The following TPD52L1 variants were observed in gnomAD, a reference collection of about 807,000 sequenced individuals.
TPD52L1 encodes tumor protein D53.
In TPD52L1, 18 loss-of-function variants were observed where a neutral mutation model predicts 28.7. The ratio of observed to expected loss-of-function variants is 0.63; its 90% CI spans 0.43 to 0.93. TPD52L1 has a LOEUF of 0.93. TPD52L1 is among the 40% of genes least tolerant of loss of function. TPD52L1 has a pLI of 0.00. For missense variants in TPD52L1, 203 were observed against 254.8 expected (o/e 0.80, Z 1.39); for synonymous variants, 75 against 88.8 (o/e 0.84, Z 0.88).
At chr6:125,217,500 T>C (rs1185738684) in intron 1 of TPD52L1, among the ~76,000 whole-genome samples, 1 of 152,042 alleles carries the variant, frequency 6.6e-6, no homozygotes, top group Admixed American at 6.6e-5. Flanking sequence ...TGCGGTCCTA[T>C]GAGAATCTAA....
intron 1 of TPD52L1, chr6:125,209,054 C>A: frequency 1.5e-6 from 1 of 684,984 alleles, no homozygotes; most frequent in Non-Finnish European, 1.8e-6. Flanking sequence ...ATTTCCCATA[C>A]ACAGCCTTGA....
intron 1 of TPD52L1, among the ~76,000 whole-genome samples, chr6:125,164,665 G>C (rs572096708): frequency 6.6e-6 from 1 of 151,800 alleles, no homozygotes; most frequent in Non-Finnish European, 1.5e-5. Flanking sequence ...TTGTTTACAC[G>C]AATATGTTTT....
At chr6:125,225,319 T>C (rs764152500) in intron 2 of TPD52L1, among the ~76,000 whole-genome samples, 2 of 152,220 alleles carry the variant, frequency 1.3e-5, no homozygotes, top group African/African-American at 2.4e-5. Context: ...TGTGTGTCCA[T>C]GTATTTGTTT....
chr6:125,212,837 G>T (rs1375090382), intron 1 of TPD52L1, among the ~76,000 whole-genome samples: 2 of 152,202 alleles, frequency 1.3e-5, no homozygotes, highest in African/African-American at 4.8e-5. Flanking sequence ...CTTAAATGGA[G>T]TCATCACTGG....
At chr6:125,255,563 C>A (rs950965723) in intron 5 of TPD52L1, among the ~76,000 whole-genome samples, 1 of 152,124 alleles carries the variant, frequency 6.6e-6, no homozygotes, top group African/African-American at 2.4e-5. Flanking sequence ...CATTTCTGAC[C>A]ATGTGGAGCA....
chr6:125,222,914 C>A (rs1023232595), intron 2 of TPD52L1, among the ~76,000 whole-genome samples: 3 of 152,134 alleles, frequency 2.0e-5, no homozygotes, highest in African/African-American at 7.2e-5. Context: ...CAAACTGTAA[C>A]TAATCAAATT....
At chr6:125,221,100 C>A (rs1795202279) in intron 2 of TPD52L1, among the ~76,000 whole-genome samples, 1 of 152,206 alleles carries the variant, frequency 6.6e-6, no homozygotes, top group South Asian at 2.1e-4. Flanking sequence ...TGAGTTCTAG[C>A]CTCCTGATAG....
At chr6:125,237,249 G>C (rs769662449) in intron 3 of TPD52L1, among the ~76,000 whole-genome samples, 1 of 152,158 alleles carries the variant, frequency 6.6e-6, no homozygotes, top group Non-Finnish European at 1.5e-5. Context: ...GGTCCCTCTG[G>C]CTGCGGTGTT....
At chr6:125,172,824 T>C in intron 1 of TPD52L1, among the ~76,000 whole-genome samples, 1 of 151,398 alleles carries the variant, frequency 6.6e-6, no homozygotes. Context: ...ATAAATAAAG[T>C]AAGCTATAAT....
intron 1 of TPD52L1, among the ~76,000 whole-genome samples, chr6:125,166,551 C>G (rs1261533657): frequency 6.6e-6 from 1 of 152,060 alleles, no homozygotes; most frequent in Non-Finnish European, 1.5e-5. Context: ...TTTTTCTACC[C>G]TCTTAGGTGA....
chr6:125,208,568 C>G (rs1433042992), intron 1 of TPD52L1, among the ~76,000 whole-genome samples: 1 of 151,932 alleles, frequency 6.6e-6, no homozygotes, highest in Non-Finnish European at 1.5e-5. Context: ...AGTCAGGTGG[C>G]TGATCCTGGG....
chr6:125,161,205 C>T (rs1790505288), intron 1 of TPD52L1, among the ~76,000 whole-genome samples: 1 of 152,174 alleles, frequency 6.6e-6, no homozygotes, highest in African/African-American at 2.4e-5. Flanking sequence ...TAGCTTCCAA[C>T]TTTTGTTGCA....
intron 1 of TPD52L1, among the ~76,000 whole-genome samples, chr6:125,174,626 A>G (rs1452910815): frequency 1.3e-5 from 2 of 152,232 alleles, no homozygotes; most frequent in Non-Finnish European, 2.9e-5. Context: ...CATAGCAGAT[A>G]TACAAAGCAA....
intron 6 of TPD52L1, among the ~76,000 whole-genome samples, chr6:125,258,423 T>G (rs576395954): frequency 6.6e-6 from 1 of 152,262 alleles, no homozygotes; most frequent in East Asian, 1.9e-4. Flanking sequence ...TGTGAACATT[T>G]GATCTTCTTG....
At chr6:125,245,150 G>A (rs1240219184) in intron 3 of TPD52L1, among the ~76,000 whole-genome samples, 1 of 152,196 alleles carries the variant, frequency 6.6e-6, no homozygotes, top group East Asian at 1.9e-4. Context: ...TAGACTCTAT[G>A]AGAATCCTTG....
chr6:125,249,708 A>G (rs911468179), intron 4 of TPD52L1, among the ~76,000 whole-genome samples: 11 of 150,962 alleles, frequency 7.3e-5, no homozygotes, highest in South Asian at 4.2e-4. Context: ...AAAAAAAAAA[A>G]AAGAAGGAAA....
At chr6:125,185,753 A>G (rs1792556657) in intron 1 of TPD52L1, among the ~76,000 whole-genome samples, 1 of 152,190 alleles carries the variant, frequency 6.6e-6, no homozygotes. Context: ...AATAAATTCA[A>G]AAGTTAATTT....
At chr6:125,232,379 G>A (rs752577007) in intron 3 of TPD52L1, among the ~76,000 whole-genome samples, 1 of 152,054 alleles carries the variant, frequency 6.6e-6, no homozygotes, top group Non-Finnish European at 1.5e-5. Flanking sequence ...ATGTTTGGAG[G>A]AGCGATAAAA....
At chr6:125,155,718 A>G (rs1470573026) in intron 1 of TPD52L1, among the ~76,000 whole-genome samples, 5 of 152,168 alleles carry the variant, frequency 3.3e-5, no homozygotes, top group Admixed American at 2.0e-4. Flanking sequence ...GAGCCTGAAA[A>G]ACTATAACCC....
Sources: allele counts gnomAD v4.1 joint callset (sites outside exome capture counted in the v4.1 genomes callset), GRCh38; gene constraint gnomAD v4.1.1; transcripts MANE v1.5; gene names NCBI Gene and HGNC (gene_info 2026-07-23, HGNC 2026-07-21).